ST3GAL1: variants seen among roughly 807,000 people sequenced by gnomAD.
The protein encoded by ST3GAL1 is ST3 beta-galactoside alpha-2,3-sialyltransferase 1.
A neutral mutation model predicts 34.1 loss-of-function variants in ST3GAL1; 16 were observed. That is an observed-to-expected ratio of 0.47 (90% CI 0.32 to 0.71). The LOEUF (loss-of-function observed/expected upper bound fraction) is 0.71. Among genes scored for constraint, ST3GAL1 ranks in the 30% least tolerant of loss-of-function variants. The probability of loss-of-function intolerance (pLI) is 0.04; values close to 1 mark genes in which losing one functional copy is unlikely to be tolerated. For synonymous variants in ST3GAL1, 191 were observed against 184.7 expected, an observed-to-expected ratio of 1.03 and a Z score of -0.28; for missense variants, 353 against 447.4, an observed-to-expected ratio of 0.79 and a Z score of 1.90.
intron 2 of ST3GAL1, among the ~76,000 whole-genome samples, chr8:133,531,265 A>G (rs947478250): frequency 2.0e-4 from 30 of 152,214 alleles, no homozygotes; most frequent in African/African-American, 7.0e-4. Flanking sequence ...ACACACATAT[A>G]TACTCACACA....
chr8:133,465,574 G>A (rs1815700896), intron 6 of ST3GAL1: 1 of 267,236 alleles, frequency 3.7e-6, no homozygotes. Context: ...AAATGGGGAT[G>A]AATTTTAAAG....
intron 2 of ST3GAL1, among the ~76,000 whole-genome samples, chr8:133,542,296 G>A (rs1818557799): frequency 6.6e-6 from 1 of 152,204 alleles, no homozygotes; most frequent in African/African-American, 2.4e-5. Context: ...TAGAAGATGA[G>A]GCTAGAATAC....
At chr8:133,460,398 T>C (rs2130912947) in intron 9 of ST3GAL1, among the ~76,000 whole-genome samples, 1 of 152,318 alleles carries the variant, frequency 6.6e-6, no homozygotes, top group African/African-American at 2.4e-5. Context: ...TGAGCCTCAC[T>C]TTCCTCATCT....
chr8:133,541,104 T>TAGACATATATAGAC (rs1586654974), intron 2 of ST3GAL1, among the ~76,000 whole-genome samples: 1 of 50,432 alleles, frequency 2.0e-5, no homozygotes, highest in African/African-American at 1.2e-4. Context: ...AACATATATA[T>TAGACATATATAGAC]ATATATATAT....
At chr8:133,564,976 C>T (rs1016812738) in intron 1 of ST3GAL1, among the ~76,000 whole-genome samples, 5 of 152,300 alleles carry the variant, frequency 3.3e-5, no homozygotes, top group Admixed American at 2.0e-4. Flanking sequence ...TCTTACTTTA[C>T]TAGGGCTGAT....
rs1369143989 is a variant in ST3GAL1, at chr8:133,467,179, C to G, written c.307-1089G>C. On this transcript the variant is annotated intron_variant, in intron 5 of 9. Coordinates refer to ENST00000522652, the MANE Select transcript of ST3GAL1 (RefSeq NM_173344.3). This position sits in a 1 kb window ranked among gnomAD's most constrained non-coding sequence, Gnocchi z 4.2. ...CTTATTCCAGGGTGACTAAATATTACTTATTTGCCCAGGTTAAGGGGTTTC... is the reference window on the plus strand; with the variant it reads ...CTTATTCCAGGGTGACTAAATATTAGTTATTTGCCCAGGTTAAGGGGTTTC... Among the ~76,000 whole-genome samples the G allele has an allele frequency of 6.6e-6, 1 of 151,808 alleles. No individual in the cohort carries two copies. Among genetic ancestry groups the G allele is most frequent in the Non-Finnish European group, 1.5e-5 (1 of 67,956 alleles).
chr8:133,529,926 C>T (rs1235741430), intron 2 of ST3GAL1, among the ~76,000 whole-genome samples: 2 of 152,204 alleles, frequency 1.3e-5, no homozygotes, highest in Non-Finnish European at 2.9e-5. Context: ...CTCCCCAGCC[C>T]CCTGCCCGCT....
chr8:133,557,474 G>A (rs200731510), intron 1 of ST3GAL1, among the ~76,000 whole-genome samples: 11 of 152,246 alleles, frequency 7.2e-5, no homozygotes, highest in South Asian at 2.1e-4. Context: ...ATCACCCCAC[G>A]GGCTGGCCTC....
chr8:133,551,602 GAAAGAAAGAAAGAAA>G (rs1563739186), intron 1 of ST3GAL1, among the ~76,000 whole-genome samples: 11 of 150,422 alleles, frequency 7.3e-5, no homozygotes, highest in Non-Finnish European at 1.6e-4. Context: ...AAGAAAGAAA[GAAAGAAAGAAAGAAA>G]GAGCGAGCAA....
intron 3 of ST3GAL1, among the ~76,000 whole-genome samples, chr8:133,491,256 T>G (rs760326): frequency 2.1e-5 from 3 of 143,810 alleles, no homozygotes; most frequent in African/African-American, 7.7e-5. Context: ...GATCGAGGAG[T>G]GCTACATTTG....
At chr8:133,502,092 G>A (rs1817173243) in intron 2 of ST3GAL1, among the ~76,000 whole-genome samples, 1 of 152,166 alleles carries the variant, frequency 6.6e-6, no homozygotes, top group African/African-American at 2.4e-5. Context: ...GGTTGCCAAA[G>A]GACAAAGAAA....
intron 7 of ST3GAL1, among the ~76,000 whole-genome samples, chr8:133,463,763 G>C (rs1190477675): frequency 6.6e-6 from 1 of 152,198 alleles, no homozygotes; most frequent in Non-Finnish European, 1.5e-5. Context: ...GTGGGGCCGT[G>C]GTGCCTCCAC....
chr8:133,499,877 G>A (rs146095130), intron 2 of ST3GAL1, among the ~76,000 whole-genome samples: 3 of 152,286 alleles, frequency 2.0e-5, no homozygotes, highest in South Asian at 2.1e-4. Flanking sequence ...GTGTGCACTC[G>A]CAACAGGGCT....
chr8:133,506,474 G>T (rs1216055665), intron 2 of ST3GAL1, among the ~76,000 whole-genome samples: 2 of 152,156 alleles, frequency 1.3e-5, no homozygotes, highest in Admixed American at 1.3e-4. Context: ...TGAAAGATAG[G>T]ATTGGTTGGA....
chr8:133,514,904 A>T (rs1817598244), intron 2 of ST3GAL1, among the ~76,000 whole-genome samples: 1 of 152,082 alleles, frequency 6.6e-6, no homozygotes. Context: ...AACACCACAC[A>T]TTGCCATGTG....
chr8:133,507,364 A>G (rs936438925), intron 2 of ST3GAL1, among the ~76,000 whole-genome samples: 1 of 152,262 alleles, frequency 6.6e-6, no homozygotes, highest in African/African-American at 2.4e-5. Flanking sequence ...CTTGTGATGC[A>G]TCTTCCCCAC....
chr8:133,492,923 C>T (rs1816827406), intron 3 of ST3GAL1, among the ~76,000 whole-genome samples: 1 of 152,202 alleles, frequency 6.6e-6, no homozygotes, highest in Non-Finnish European at 1.5e-5. Context: ...CACGAGTGCT[C>T]CTCACCCTCC....
In ST3GAL1 at chr8:133,473,689, C is replaced by T. The variant is rs765816216; in HGVS notation, c.306+2030G>A. ...GGCAACTTTGTGCATGCATGTGCAC[C>T]CACACACACGCACACCCCACCTGGG... is the stretch of plus-strand genomic sequence containing the variant. On this transcript the variant is annotated intron_variant, in intron 5 of 9. Coordinates refer to ENST00000522652, the MANE Select transcript of ST3GAL1 (RefSeq NM_173344.3). Among the ~76,000 whole-genome samples, 5 of 152,298 alleles carry T rather than the reference C, an allele frequency of 3.3e-5. No homozygotes were observed. In the South Asian group the frequency reaches 6.2e-4, roughly 19 times the overall value.
Position 133,459,405 on chromosome 8 carries a change from C to A in ST3GAL1, c.*359G>T, listed in dbSNP as rs924929374. On this transcript the variant is annotated 3_prime_UTR_variant, in exon 10 of 10. Coordinates refer to ENST00000522652, the MANE Select transcript of ST3GAL1 (RefSeq NM_173344.3). This position sits in a 1 kb window ranked among gnomAD's most constrained non-coding sequence, Gnocchi z 4.7. ...CTGCCCATCTTCCTGGGAAACTGTC[C>A]TGTCTCTCAGAATATAGGCATCTTC... 3 of 181,028 alleles carry A rather than the reference C, an allele frequency of 1.7e-5. No homozygotes were observed. Among genetic ancestry groups the A allele is most frequent in the Non-Finnish European group, 3.4e-5 (3 of 87,790 alleles). 11.2% of individuals were successfully genotyped at this position (181,028 alleles called of 1,614,324 possible). A position where few individuals can be genotyped will look rare whatever the true frequency, so the allele number is the denominator to read the frequency against.
Sources: allele counts gnomAD v4.1 joint callset (sites outside exome capture counted in the v4.1 genomes callset), GRCh38; gene constraint gnomAD v4.1.1; non-coding constraint Gnocchi (gnomAD v3.1); transcripts MANE v1.5; gene names NCBI Gene and HGNC (gene_info 2026-07-23, HGNC 2026-07-21).